The following THRB variants were observed in gnomAD, a reference collection of about 807,000 sequenced individuals.
THRB encodes the protein nuclear receptor subfamily 1 group A member 2.
THRB carries 12 observed loss-of-function variants against 47.8 expected under a neutral mutation model. The observed-to-expected ratio is 0.25, with a 90% CI of 0.16 to 0.41. The LOEUF is 0.41. THRB is among the 10% of genes least tolerant of loss of function. The probability of loss-of-function intolerance (pLI) is 1.00; values close to 1 mark genes in which losing one functional copy is unlikely to be tolerated. For synonymous variants in THRB, 218 were observed against 212.2 expected, an observed-to-expected ratio of 1.03 and a Z score of -0.24; for missense variants, 348 against 589.2, an observed-to-expected ratio of 0.59 and a Z score of 4.24.
chr3:24,198,597 C>T (rs377257288), intron 4 of THRB, among the ~76,000 whole-genome samples: 2 of 152,128 alleles, frequency 1.3e-5, no homozygotes, highest in African/African-American at 4.8e-5. Flanking sequence ...ACTCTCCCAG[C>T]TCAGTTTCAG....
intron 4 of THRB, among the ~76,000 whole-genome samples, chr3:24,198,458 C>G (rs1559574374): frequency 1.2e-5 from 1 of 86,032 alleles, no homozygotes; most frequent in African/African-American, 3.9e-5. Context: ...CCCCGCCCCC[C>G]CCCCCCCCTT....
intron 5 of THRB, among the ~76,000 whole-genome samples, chr3:24,166,458 A>G (rs547955583): frequency 6.6e-6 from 1 of 152,324 alleles, no homozygotes; most frequent in South Asian, 2.1e-4. Flanking sequence ...GTACTTACTT[A>G]AAGATAGTGA....
At chr3:24,251,716 A>C (rs145943217) in intron 3 of THRB, among the ~76,000 whole-genome samples, 9 of 152,054 alleles carry the variant, frequency 5.9e-5, no homozygotes, top group African/African-American at 2.2e-4. Context: ...AAAATGCCAA[A>C]TCCAGATGGT....
chr3:24,476,052 T>C (rs1196683668), intron 1 of THRB, among the ~76,000 whole-genome samples: 1 of 152,190 alleles, frequency 6.6e-6, no homozygotes, highest in African/African-American at 2.4e-5. Flanking sequence ...CTGCTGCTCT[T>C]TGGTGGGGAA....
intron 4 of THRB, among the ~76,000 whole-genome samples, chr3:24,220,632 C>T (rs944238247): frequency 3.9e-5 from 6 of 152,018 alleles, no homozygotes; most frequent in Admixed American, 1.3e-4. Flanking sequence ...AAGCAATTGT[C>T]CGAATCTCTA....
intron 1 of THRB, among the ~76,000 whole-genome samples, chr3:24,490,169 T>G (rs1199449954): frequency 6.6e-6 from 1 of 152,222 alleles, no homozygotes; most frequent in Non-Finnish European, 1.5e-5. Flanking sequence ...GAAAAATGGC[T>G]AGCAGAGCCA....
At chr3:24,317,995 T>C (rs2058238853) in intron 2 of THRB, among the ~76,000 whole-genome samples, 1 of 151,938 alleles carries the variant, frequency 6.6e-6, no homozygotes, top group Non-Finnish European at 1.5e-5. Flanking sequence ...GGAAGTCGGG[T>C]CTGCAGTGAG....
At chr3:24,481,242 T>TGTTTTG (rs1295890290) in intron 1 of THRB, among the ~76,000 whole-genome samples, 6 of 141,476 alleles carry the variant, frequency 4.2e-5, no homozygotes, top group Non-Finnish European at 7.8e-5. Context: ...TTTTTTTTTT[T>TGTTTTG]TTTTTTTTTT....
chr3:24,278,687 G>T lies in THRB; in HGVS notation c.-43+18539C>A, dbSNP rs2054196693. On this transcript the variant is annotated intron_variant, in intron 3 of 10. Transcript: ENST00000646209. ...ATTGAAATTATCTTTCTACTTCTCTGTAACTGTTTCCAGATTTTTAACTTC... is the reference window on the plus strand; with the variant it reads ...ATTGAAATTATCTTTCTACTTCTCTTTAACTGTTTCCAGATTTTTAACTTC... Among the ~76,000 whole-genome samples the T allele has an allele frequency of 5.3e-5, 8 of 152,094 alleles. No homozygotes were observed. In the South Asian group the frequency reaches 1.7e-3, roughly 31 times the overall value.
At chr3:24,304,763 T>C (rs2057219324) in intron 2 of THRB, among the ~76,000 whole-genome samples, 1 of 152,044 alleles carries the variant, frequency 6.6e-6, no homozygotes, top group Non-Finnish European at 1.5e-5. Context: ...TATATAACCA[T>C]CTTATTAATA....
At chr3:24,486,495 T>C (rs1697321296) in intron 1 of THRB, 1 of 152,242 alleles carries the variant, frequency 6.6e-6, no homozygotes, top group African/African-American at 2.4e-5. Flanking sequence ...TTGATTTTTG[T>C]GGCAACTTCA....
intron 1 of THRB, among the ~76,000 whole-genome samples, chr3:24,484,620 C>A (rs1218284750): frequency 6.6e-6 from 1 of 152,066 alleles, no homozygotes; most frequent in Non-Finnish European, 1.5e-5. Flanking sequence ...GTTGGGCTAC[C>A]AGGGGTTAAT....
chr3:24,253,164 A>G (rs1184462095), intron 3 of THRB, among the ~76,000 whole-genome samples: 1 of 152,206 alleles, frequency 6.6e-6, no homozygotes. Context: ...ATGCAATAAC[A>G]TAATAGAGGC....
chr3:24,405,775 G>A (rs4602332), intron 1 of THRB, among the ~76,000 whole-genome samples: 71,640 of 151,072 alleles, frequency 0.47, 17,192 homozygotes, highest in Admixed American at 0.51. Context: ...TGAACGAATC[G>A]CCCAGTAATT....
chr3:24,456,493 T>C (rs2073184556), intron 1 of THRB, among the ~76,000 whole-genome samples: 1 of 152,008 alleles, frequency 6.6e-6, no homozygotes, highest in Non-Finnish European at 1.5e-5. Context: ...TAGTGAATGA[T>C]AGTAATAAAT....
chr3:24,198,417 C>T (rs1559573996), intron 4 of THRB, among the ~76,000 whole-genome samples: 1 of 143,298 alleles, frequency 7.0e-6, no homozygotes, highest in Non-Finnish European at 1.5e-5. Context: ...TAGCCTTGTG[C>T]AGAAATACAG....
chr3:24,198,025 C>G (rs1297494692), intron 4 of THRB, among the ~76,000 whole-genome samples: 1 of 152,186 alleles, frequency 6.6e-6, no homozygotes, highest in Non-Finnish European at 1.5e-5. Context: ...ATGGGGTGAG[C>G]TGGTCACCAG....
chr3:24,462,285 C>A (rs1158960394), intron 1 of THRB, among the ~76,000 whole-genome samples: 1 of 152,246 alleles, frequency 6.6e-6, no homozygotes, highest in Non-Finnish European at 1.5e-5. Flanking sequence ...TACCTCCTTT[C>A]TTTTGGGCCA....
At chr3:24,369,851 G>A (rs932965536) in intron 1 of THRB, among the ~76,000 whole-genome samples, 25 of 152,058 alleles carry the variant, frequency 1.6e-4, no homozygotes, top group African/African-American at 5.8e-4. Flanking sequence ...AGTAGCCCAA[G>A]GGTTAAAGAC....
Sources: allele counts gnomAD v4.1 joint callset (sites outside exome capture counted in the v4.1 genomes callset), GRCh38; gene constraint gnomAD v4.1.1; transcripts MANE v1.5; gene names NCBI Gene and HGNC (gene_info 2026-07-23, HGNC 2026-07-21).